Variants in SACS observed in about 807,000 individuals in gnomAD.
SACS encodes the protein sacsin molecular chaperone.
A neutral mutation model predicts 348.0 loss-of-function variants in SACS; 197 were observed. The ratio of observed to expected loss-of-function variants is 0.57; its 90% confidence interval spans 0.50 to 0.64. The LOEUF (loss-of-function observed/expected upper bound fraction) is 0.64, where lower values mean the gene tolerates loss of function less well. Among genes scored for constraint, SACS ranks in the 30% least tolerant of loss-of-function variants. SACS has a pLI of 0.00. For missense variants in SACS, 4,999 were observed against 5,360.8 expected (o/e 0.93, Z 2.11); for synonymous variants, 1,985 against 1,910.6 (o/e 1.04, Z -1.02).
At chr13:23,412,103 C>CA (rs1873508420) in intron 1 of SACS, among the ~76,000 whole-genome samples, 1 of 151,908 alleles carries the variant, frequency 6.6e-6, no homozygotes, top group South Asian at 2.1e-4. Context: ...ACTAAAAATA[C>CA]AAAAAATTAG....
At chr13:23,346,135 T>C (rs1869585232) in intron 9 of SACS, among the ~76,000 whole-genome samples, 1 of 151,990 alleles carries the variant, frequency 6.6e-6, no homozygotes, top group South Asian at 2.1e-4. Context: ...TCTCTGTTCT[T>C]TTTGTTTGTT....
chr13:23,329,554 T>C lies in SACS; in HGVS notation c.*582A>G, dbSNP rs1883336353. 3.1e-6 allele frequency: 2 copies of C among 650,410 alleles called. No homozygotes were observed. The highest frequency in any genetic ancestry group is 5.5e-6 in the Non-Finnish European group (2 of 364,406). 40.3% of individuals were successfully genotyped at this position (650,410 alleles called of 1,614,324 possible). A position where few individuals can be genotyped will look rare whatever the true frequency, so the allele number is the denominator to read the frequency against. On this transcript the variant is annotated 3_prime_UTR_variant, in exon 10 of 10. Coordinates refer to ENST00000382292, the MANE Select transcript of SACS (RefSeq NM_014363.6). ...AGTGCACTCAGTGCACTCTAAAAAGTACTACCTTCACACTCTTAGTCAAGT... is the reference window on the plus strand; with the variant it reads ...AGTGCACTCAGTGCACTCTAAAAAGCACTACCTTCACACTCTTAGTCAAGT...
Position 23,332,698 on chromosome 13 carries a change from T to C in SACS, c.11178A>G (p.Pro3726=). ...IKEQEGSDLG[P]QEQLEQVLNM... is the part of the protein sequence containing the mutation. The stretch of plus-strand genomic sequence containing the variant: ...TTAAAACTTGTTCAAGCTGTTCTTG[T>C]GGACCAAGGTCACTACCTTCTTGTT... Residue 3726 remains proline, a synonymous_variant, in exon 10 of 10, where the codon CCA becomes CCG. Transcript: ENST00000382292. The C allele has an allele frequency of 1.2e-6, 2 of 1,614,040 alleles. No individual in the cohort carries two copies. Among genetic ancestry groups the C allele is most frequent in the Non-Finnish European group, 1.7e-6 (2 of 1,179,954 alleles).
At position 23,337,229 on chromosome 13, in the gene SACS, A is replaced by C; in HGVS notation, c.6647T>G (p.Leu2216Arg). ...ACCTGCTGGTTTTGTCAGAAATGGA[A>C]GGAAGCGGATTGTTTGATATTTTGC... ...FAAKYQTIRF[L>R]PFLTKPAGFS... The change falls in exon 10 of 10, where the codon CTT becomes CGT. Residue 2216 changes from leucine to arginine, a missense_variant. Transcript: ENST00000382292. 6.2e-7 allele frequency: 1 copy of C among 1,613,964 alleles called. No homozygotes were observed. The highest frequency in any genetic ancestry group is 8.5e-7 in the Non-Finnish European group (1 of 1,179,910).
intron 2 of SACS, among the ~76,000 whole-genome samples, chr13:23,395,299 T>C (rs1385051887): frequency 1.3e-5 from 2 of 152,222 alleles, no homozygotes; most frequent in Non-Finnish European, 2.9e-5. Context: ...GATGGCTGTA[T>C]GCTCCACCAC....
At chr13:23,420,144 T>C (rs889291799) in intron 1 of SACS, among the ~76,000 whole-genome samples, 2 of 152,030 alleles carry the variant, frequency 1.3e-5, no homozygotes, top group Admixed American at 1.3e-4. Flanking sequence ...GTTGGGCCTG[T>C]GTGTCAATCT....
intron 2 of SACS, among the ~76,000 whole-genome samples, chr13:23,399,516 C>T (rs1314081496): frequency 6.6e-6 from 1 of 152,130 alleles, no homozygotes; most frequent in Admixed American, 6.6e-5. Context: ...TCTCCCTTCC[C>T]ACCTAATTAG....
rs1566061811 is a variant in SACS at position 23,334,790 on chromosome 13, T to C, written c.9086A>G (p.Asn3029Ser). Residue 3029 changes from asparagine (N) to serine (S), a missense_variant, in exon 10 of 10, where the codon AAT (asparagine) becomes AGT (serine). By Grantham distance (46) the Asn-to-Ser change is conservative. This residue lies in a region of SACS where 734 missense variants were observed against 694.0 expected (regional missense o/e 1.06). Coordinates refer to ENST00000382292, the MANE Select transcript of SACS (RefSeq NM_014363.6). ...TSNKTRPFFD[N>S]LLQDELQHLK... ...GTGTTGTAATTCATCCTGTAGTAAA[T>C]TGTCAAAAAATGGTCTAGTTTTATT... 1 of 1,613,652 alleles carries C rather than the reference T, an allele frequency of 6.2e-7. No individual in the cohort carries two copies. Among genetic ancestry groups the C allele is most frequent in the Admixed American group, 1.7e-5 (1 of 59,988 alleles).
intron 1 of SACS, among the ~76,000 whole-genome samples, chr13:23,419,807 A>G (rs1387260579): frequency 6.6e-6 from 1 of 152,196 alleles, no homozygotes; most frequent in East Asian, 1.9e-4. Flanking sequence ...TCAGTTTTAA[A>G]GAATATATAT....
Position 23,338,282 on chromosome 13 carries a change from G to A in SACS, c.5594C>T (p.Pro1865Leu), listed in dbSNP as rs747219164. ...ATAGCAAAACACCTCTCCAATGTGT[G>A]GTTTCACTGTCCACTTCTGGTCCTG... ...EIQDQKWTVK[P>L]HIGEVFCYLP... Residue 1865 changes from proline to leucine, a missense_variant, in exon 10 of 10, where the codon CCA (proline) becomes CTA (leucine). This residue lies in a region of SACS where 3,156 missense variants were observed against 3,380.1 expected (regional missense o/e 0.93). Coordinates refer to ENST00000382292, the MANE Select transcript of SACS (RefSeq NM_014363.6). 2 of 1,614,094 alleles carry A rather than the reference G, an allele frequency of 1.2e-6. No individual in the cohort carries two copies. Among genetic ancestry groups the A allele is most frequent in the Non-Finnish European group, 1.7e-6 (2 of 1,180,010 alleles).
rs372680238 is a variant in SACS at position 23,423,070 on chromosome 13, T to C, written c.-502+10545A>G. 1.6e-4 allele frequency among the ~76,000 whole-genome samples: 24 copies of C among 152,314 alleles called. No individual in the cohort carries two copies. In the East Asian group the frequency reaches 4.1e-3, roughly 26 times the overall value. On this transcript the variant is annotated intron_variant, in intron 1 of 9. Transcript: ENST00000382292. Reference sequence around the variant, plus strand: ...GCAATCAGGCCTATATATAAACATATGAAAATCCAGCCTTAATAACTAAAA... The same window carrying C: ...GCAATCAGGCCTATATATAAACATACGAAAATCCAGCCTTAATAACTAAAA...
At position 23,330,247 on chromosome 13, in the gene SACS, G is replaced by C. The variant is rs749846446; in HGVS notation, c.13629C>G (p.Pro4543=). The C allele has an allele frequency of 8.7e-6, 14 of 1,614,152 alleles. No individual in the cohort carries two copies. Among genetic ancestry groups the C allele is most frequent in the South Asian group, 1.1e-5 (1 of 91,078 alleles). ...SLKTRYPDLL[P]FPQIPNDRFT... is the part of the protein sequence containing the mutation. The stretch of plus-strand genomic sequence containing the variant: ...ACCTGTCATTTGGGATCTGAGGAAA[G>C]GGAAGCAAATCAGGGTATCTTGTTT... Residue 4543 remains proline (P), a synonymous_variant, in exon 10 of 10, where the codon CCC becomes CCG. Coordinates refer to ENST00000382292, the MANE Select transcript of SACS (RefSeq NM_014363.6).
intron 5 of SACS, among the ~76,000 whole-genome samples, chr13:23,367,947 G>A (rs1210486477): frequency 6.6e-6 from 1 of 152,170 alleles, no homozygotes; most frequent in African/African-American, 2.4e-5. Context: ...AAAGAAATAA[G>A]TAAATAAAAT....
In SACS at chr13:23,335,909, G is replaced by C. The variant is rs1347998865; in HGVS notation, c.7967C>G (p.Pro2656Arg). ...TCCGGGACTAATGGATGTGGCCCCTGGTGCATATCTGGCATGAGGATCAAA... is the reference window on the plus strand; with the variant it reads ...TCCGGGACTAATGGATGTGGCCCCTCGTGCATATCTGGCATGAGGATCAAA... ...CIFDPHARYA[P>R]GATSISPGRM... The change falls in exon 10 of 10, where the codon CCA becomes CGA. Residue 2656 changes from proline (P) to arginine (R), a missense_variant. Pro to Arg is a moderately radical substitution (Grantham distance 103). Transcript: ENST00000382292. This position sits in a 1 kb window ranked among gnomAD's most constrained non-coding sequence, Gnocchi z 4.7. 6.2e-7 allele frequency: 1 copy of C among 1,612,800 alleles called. No homozygotes were observed. Among genetic ancestry groups the C allele is most frequent in the Non-Finnish European group, 8.5e-7 (1 of 1,178,956 alleles).
chr13:23,404,372 C>T (rs957621299), intron 2 of SACS, among the ~76,000 whole-genome samples: 1 of 152,124 alleles, frequency 6.6e-6, no homozygotes, highest in African/African-American at 2.4e-5. Context: ...AAATTCAACA[C>T]TCCTTCATGC....
rs1487356590 is a variant in SACS, at chr13:23,340,576, T to C, written c.3300A>G (p.Glu1100=). 17 of 1,613,654 alleles carry C rather than the reference T, an allele frequency of 1.1e-5. No individual in the cohort carries two copies. Among genetic ancestry groups the C allele is most frequent in the Non-Finnish European group, 1.4e-5 (17 of 1,179,938 alleles). The change falls in exon 10 of 10, where the codon GAA becomes GAG. Residue 1100 remains glutamate, a synonymous_variant. Transcript: ENST00000382292. ...IGLKNEASLK[E]KDVVQVAKKI... is the part of the protein sequence containing the mutation. ...TTTTTGCCACTTGCACAACATCCTT[T>C]TCTTTGAGACTGGCTTCGTTTTTTA...
intron 4 of SACS, among the ~76,000 whole-genome samples, chr13:23,368,951 G>A (rs1420610704): frequency 9.9e-5 from 15 of 152,168 alleles, no homozygotes; most frequent in South Asian, 4.2e-4. Flanking sequence ...CGCCCACCTT[G>A]GCCTCCCAAA....
At chr13:23,364,392 G>A (rs7984053) in intron 6 of SACS, among the ~76,000 whole-genome samples, 39,059 of 151,924 alleles carry the variant, frequency 0.26, 5,258 homozygotes, top group South Asian at 0.34. Context: ...GCGATTCTCC[G>A]GCCTCAGCCT....
Position 23,330,228 on chromosome 13 carries a change from C to A in SACS, c.13648G>T (p.Asp4550Tyr). 1 of 1,614,068 alleles carries A rather than the reference C, an allele frequency of 6.2e-7. No homozygotes were observed. Among genetic ancestry groups the A allele is most frequent in the Non-Finnish European group, 8.5e-7 (1 of 1,179,966 alleles). ...ATAGCAACCTCAGAAGTGAACCTGTCATTTGGGATCTGAGGAAAGGGAAGC... is the reference window on the plus strand; with the variant it reads ...ATAGCAACCTCAGAAGTGAACCTGTAATTTGGGATCTGAGGAAAGGGAAGC... ...DLLPFPQIPN[D>Y]RFTSEVAMRV... The change falls in exon 10 of 10, where the codon GAC (aspartate) becomes TAC (tyrosine). Residue 4550 changes from aspartate (D) to tyrosine (Y), a missense_variant. Asp to Tyr is a radical substitution (Grantham distance 160). This residue lies in a region of SACS where 254 missense variants were observed against 275.1 expected (regional missense o/e 0.92). Transcript: ENST00000382292.
Sources: gnomAD v4.1 joint callset for allele counts (sites outside exome capture counted in the v4.1 genomes callset) on GRCh38, gnomAD v4.1.1 for gene constraint, gnomAD v4.1.1 regional missense constraint, Gnocchi (gnomAD v3.1) non-coding constraint, MANE v1.5 for transcripts, NCBI Gene and HGNC (gene_info 2026-07-23, HGNC 2026-07-21) for gene names.